UNC13C: variants seen among roughly 807,000 people sequenced by gnomAD.
UNC13C encodes protein unc-13 homolog C.
UNC13C carries 174 observed loss-of-function variants against 245.4 expected under a neutral mutation model. That is an observed-to-expected ratio of 0.71 (90% CI 0.63 to 0.80). The LOEUF is 0.80. Ranked by LOEUF, UNC13C falls within the 30% of genes least tolerant of loss-of-function variation. The pLI is 0.00. For missense variants in UNC13C, 2,829 were observed against 2,602.9 expected, an observed-to-expected ratio of 1.09 and a Z score of -1.89; for synonymous variants, 992 against 895.1, an observed-to-expected ratio of 1.11 and a Z score of -1.93.
intron 17 of UNC13C, among the ~76,000 whole-genome samples, chr15:54,349,522 A>G (rs1160914703): frequency 6.6e-6 from 1 of 152,208 alleles, no homozygotes; most frequent in Non-Finnish European, 1.5e-5. Flanking sequence ...TTGTTAATAA[A>G]CATTGATGAG....
rs200666738 is a variant in UNC13C at position 54,013,259 on chromosome 15, A to T, written c.356A>T (p.Glu119Val). 6.2e-7 allele frequency: 1 copy of T among 1,613,770 alleles called. No homozygotes were observed. Among genetic ancestry groups the T allele is most frequent in the East Asian group, 2.2e-5 (1 of 44,878 alleles). Residue 119 changes from glutamate to valine, a missense_variant, in exon 2 of 33, where the codon GAG (glutamate) becomes GTG (valine). Physicochemically the swap from Glu to Val is moderately radical, Grantham distance 121 (BLOSUM62 -2). Transcript: ENST00000260323. ...AGTGATAATGAGGATCTGCTTCAAG[A>T]GCTCTCTTCAATCGAGAGTTCCTAC... Reference protein sequence around the residue: ...TNSDNEDLLQELSSIESSYSE... With the variant: ...TNSDNEDLLQVLSSIESSYSE...
chr15:54,631,775 T>C (rs1455811891), downstream of UNC13C: 1 of 152,226 alleles, frequency 6.6e-6, no homozygotes, highest in Non-Finnish European at 1.5e-5. Flanking sequence ...TTGGCAATAT[T>C]ATGAACAAAG....
At chr15:53,994,348 T>G (rs1894523780) in intron 1 of UNC13C, among the ~76,000 whole-genome samples, 1 of 152,040 alleles carries the variant, frequency 6.6e-6, no homozygotes, top group African/African-American at 2.4e-5. Flanking sequence ...TGGATTTACT[T>G]AAAGAGCACC....
chr15:54,557,621 G>A (rs1228848165), intron 29 of UNC13C, among the ~76,000 whole-genome samples: 1 of 151,688 alleles, frequency 6.6e-6, no homozygotes, highest in East Asian at 2.0e-4. Flanking sequence ...GAGACCTTAT[G>A]AGAAAGATGA....
At chr15:54,216,912 G>C (rs971519998) in intron 4 of UNC13C, among the ~76,000 whole-genome samples, 1 of 151,914 alleles carries the variant, frequency 6.6e-6, no homozygotes, top group African/African-American at 2.4e-5. Context: ...AAGAACTATA[G>C]CCATACTGGT....
At chr15:54,449,263 T>C (rs1252027587) in intron 19 of UNC13C, among the ~76,000 whole-genome samples, 8 of 152,168 alleles carry the variant, frequency 5.3e-5, no homozygotes, top group Non-Finnish European at 1.2e-4. Flanking sequence ...TTGGAGTTGC[T>C]CTTCTCAAGG....
chr15:54,571,139 T>A lies in UNC13C; in HGVS notation c.6106+3192T>A, dbSNP rs183448516. 2.6e-5 allele frequency among the ~76,000 whole-genome samples: 4 copies of A among 152,286 alleles called. No individual in the cohort carries two copies. In the East Asian group the frequency reaches 7.7e-4, roughly 29 times the overall value. ...GACCAAATGAAGTCTCAGTTTCCAG[T>A]GTATATTAGTCCATTCTCATGCTGC... On this transcript the variant is annotated intron_variant, in intron 30 of 32. Coordinates refer to ENST00000260323, the MANE Select transcript of UNC13C (RefSeq NM_001080534.3).
At chr15:54,113,635 C>CA (rs2029992700) in intron 2 of UNC13C, among the ~76,000 whole-genome samples, 1 of 151,918 alleles carries the variant, frequency 6.6e-6, no homozygotes. Context: ...GATCATCGTA[C>CA]CTAATACTGT....
intron 2 of UNC13C, among the ~76,000 whole-genome samples, chr15:54,100,991 A>G (rs1900133545): frequency 6.6e-6 from 1 of 152,222 alleles, no homozygotes; most frequent in South Asian, 2.1e-4. Flanking sequence ...AGTAATTAAC[A>G]TCCAGATCAA....
chr15:54,352,806 T>C (rs1246850147), intron 17 of UNC13C, among the ~76,000 whole-genome samples: 3 of 152,140 alleles, frequency 2.0e-5, no homozygotes, highest in Admixed American at 6.6e-5. Flanking sequence ...ATTTCCATGA[T>C]GCGTTTTATT....
chr15:53,900,447 C>G, the UNC13C span, among the ~76,000 whole-genome samples: 1 of 152,092 alleles, frequency 6.6e-6, no homozygotes, highest in Non-Finnish European at 1.5e-5. Context: ...CTTTACTAGC[C>G]ATGGTGACAG....
intron 4 of UNC13C, among the ~76,000 whole-genome samples, chr15:54,194,042 T>C (rs1595983311): frequency 6.6e-6 from 1 of 152,146 alleles, no homozygotes; most frequent in East Asian, 1.9e-4. Flanking sequence ...GATGAATTTA[T>C]AAAGATGCAA....
intron 2 of UNC13C, among the ~76,000 whole-genome samples, chr15:54,051,263 T>A (rs1372810896): frequency 6.6e-6 from 1 of 152,194 alleles, no homozygotes; most frequent in Admixed American, 6.5e-5. Context: ...TTTGTATTCT[T>A]GATGCATTTG....
At chr15:53,839,716 A>AT in the UNC13C span, among the ~76,000 whole-genome samples, 2 of 151,020 alleles carry the variant, frequency 1.3e-5, no homozygotes, top group Non-Finnish European at 3.0e-5. Context: ...GGTGCTTTCC[A>AT]TTTTTTTTCC....
chr15:54,470,738 A>G (rs1892418254), intron 19 of UNC13C, among the ~76,000 whole-genome samples: 1 of 150,620 alleles, frequency 6.6e-6, no homozygotes, highest in African/African-American at 2.4e-5. Flanking sequence ...TCTAGTTTTT[A>G]TTCCATTTAT....
chr15:53,871,266 C>G, the UNC13C span, among the ~76,000 whole-genome samples: 11 of 152,270 alleles, frequency 7.2e-5, no homozygotes, highest in African/African-American at 2.4e-4. Flanking sequence ...ATTGACCTTC[C>G]ACACTTATGC....
Sources: gnomAD v4.1 joint callset for allele counts (sites outside exome capture counted in the v4.1 genomes callset) on GRCh38, gnomAD v4.1.1 for gene constraint, MANE v1.5 for transcripts, NCBI Gene and HGNC (gene_info 2026-07-23, HGNC 2026-07-21) for gene names.